POLR1B: variants seen among roughly 807,000 people sequenced by gnomAD.
POLR1B encodes the protein DNA-directed RNA polymerase I subunit RPA2.
POLR1B carries 30 observed loss-of-function variants against 105.8 expected under a neutral mutation model. The observed-to-expected ratio is 0.28, with a 90% confidence interval of 0.21 to 0.38. POLR1B has a LOEUF of 0.38. POLR1B is among the 10% of genes least tolerant of loss of function. POLR1B has a pLI of 1.00. For synonymous variants in POLR1B, 485 were observed against 505.1 expected, an observed-to-expected ratio of 0.96 and a Z score of 0.53; for missense variants, 976 against 1,435.8, an observed-to-expected ratio of 0.68 and a Z score of 5.17.
intron 13 of POLR1B, 144 bp downstream of exon 13, chr2:112,572,902 C>CT (rs1280224682): frequency 1.5e-6 from 1 of 686,642 alleles, no homozygotes; most frequent in Admixed American, 3.5e-5. Context: ...AGTTCTTAGT[C>CT]TAAGTTGAAA....
intron 7 of POLR1B, among the ~76,000 whole-genome samples, chr2:112,553,113 CTGTATT>C (rs1317617953): frequency 6.6e-6 from 1 of 152,198 alleles, no homozygotes; most frequent in Non-Finnish European, 1.5e-5. Flanking sequence ...TTTGTAGATT[CTGTATT>C]TGTGAATTCA....
intron 3 of POLR1B, among the ~76,000 whole-genome samples, chr2:112,548,462 C>T (rs902630682): frequency 6.6e-6 from 1 of 152,200 alleles, no homozygotes; most frequent in Non-Finnish European, 1.5e-5. Context: ...CTGTTTATTA[C>T]AGAAATGTGA....
At chr2:112,542,221 G>GC, upstream of POLR1B, 2 of 1,535,718 alleles carry the variant, frequency 1.3e-6, no homozygotes, top group African/African-American at 2.7e-5. Flanking sequence ...TCTTTCGCGA[G>GC]CGGGGAGATG....
At position 112,573,822 on chromosome 2, in the gene POLR1B, T is replaced by C. The variant is rs777268060; in HGVS notation, c.2525+7T>C. 2.2e-5 allele frequency: 35 copies of C among 1,608,392 alleles called. No homozygotes were observed. The East Asian group carries it at 4.0e-4, about 18-fold the overall frequency. The stretch of plus-strand genomic sequence containing the variant: ...GTTTTGTGATGTACTATAAGTAAGT[T>C]TGGGTATCCAAGCTGTTTTGTTTTT... On this transcript the variant is annotated splice_region_variant and intron_variant, in intron 14 of 14. Coordinates refer to ENST00000263331, the MANE Select transcript of POLR1B (RefSeq NM_019014.6).
At chr2:112,542,166 G>A (rs1012427982), upstream of POLR1B, 3 of 1,535,634 alleles carry the variant, frequency 2.0e-6, no homozygotes, top group African/African-American at 1.4e-5. Flanking sequence ...GAGCCAAAGA[G>A]GTCACATGCT....
chr2:112,570,129 A>G (rs1574133076), intron 12 of POLR1B, among the ~76,000 whole-genome samples: 1 of 150,610 alleles, frequency 6.6e-6, no homozygotes, highest in African/African-American at 2.4e-5. Flanking sequence ...GCTCACTGCA[A>G]CCTCTGCCTC....
At chr2:112,574,202 A>G (rs1684745762) in intron 14 of POLR1B, among the ~76,000 whole-genome samples, 1 of 152,078 alleles carries the variant, frequency 6.6e-6, no homozygotes, top group African/African-American at 2.4e-5. Context: ...TCTCACATAC[A>G]ATGTTAGCAA....
intron 12 of POLR1B, among the ~76,000 whole-genome samples, chr2:112,569,419 T>C (rs1249650544): frequency 6.6e-6 from 1 of 152,338 alleles, no homozygotes; most frequent in East Asian, 1.9e-4. Flanking sequence ...TTTGCTTCAC[T>C]TGAAGGAATC....
chr2:112,560,063 T>C (rs1242786781), intron 9 of POLR1B, among the ~76,000 whole-genome samples: 1 of 152,004 alleles, frequency 6.6e-6, no homozygotes, highest in Non-Finnish European at 1.5e-5. Flanking sequence ...GAAGGCCGAA[T>C]GCATTCTTTG....
At chr2:112,569,387 A>G (rs867474210) in intron 12 of POLR1B, among the ~76,000 whole-genome samples, 1 of 151,906 alleles carries the variant, frequency 6.6e-6, no homozygotes, top group African/African-American at 2.4e-5. Flanking sequence ...CTTTGTTTTC[A>G]TTTATCTGAA....
At chr2:112,543,824 C>G (rs1682891467) in intron 1 of POLR1B, among the ~76,000 whole-genome samples, 1 of 152,078 alleles carries the variant, frequency 6.6e-6, no homozygotes, top group Admixed American at 6.6e-5. Flanking sequence ...GTGGCTCACA[C>G]CTGTAATCCA....
chr2:112,560,807 A>G (rs1683940198), intron 9 of POLR1B, among the ~76,000 whole-genome samples: 1 of 152,204 alleles, frequency 6.6e-6, no homozygotes, highest in South Asian at 2.1e-4. Flanking sequence ...CTGTAATCCC[A>G]GCACTTTGGG....
chr2:112,559,895 G>A (rs1013336257), intron 9 of POLR1B, among the ~76,000 whole-genome samples: 14 of 152,156 alleles, frequency 9.2e-5, no homozygotes, highest in Non-Finnish European at 2.1e-4. Flanking sequence ...CTCCCAAAGT[G>A]CTGGGATTAC....
rs1415472887 is a variant in POLR1B, at chr2:112,554,965, G to C, written c.1158+2149G>C. On this transcript the variant is annotated intron_variant, in intron 7 of 14. Transcript: ENST00000263331. ...AGATGCCAAGGTGGGTGGATCTTCT[G>C]ATCTCAGGAGTTCAAGACTAGCCTG... Among the ~76,000 whole-genome samples, 6 of 152,306 alleles carry C rather than the reference G, an allele frequency of 3.9e-5. No homozygotes were observed. In the East Asian group the frequency reaches 7.7e-4, roughly 20 times the overall value.
rs200636989 is a variant in POLR1B at position 112,559,937 on chromosome 2, C to T, written c.1612+363C>T. On this transcript the variant is annotated intron_variant, in intron 9 of 14. Coordinates refer to ENST00000263331, the MANE Select transcript of POLR1B (RefSeq NM_019014.6). ...GAGCCACCGCGCCCGGCCAAGGTTA[C>T]GTGGTTTTTAACCTGTTAAGTTGTG... 1.1e-4 allele frequency among the ~76,000 whole-genome samples: 17 copies of T among 152,106 alleles called. No individual in the cohort carries two copies. In the East Asian group the frequency reaches 2.3e-3, roughly 21 times the overall value.
chr2:112,542,867 A>G, intron 1 of POLR1B, 196 bp downstream of exon 1: 1 of 659,588 alleles, frequency 1.5e-6, no homozygotes, highest in Non-Finnish European at 2.6e-6. Flanking sequence ...GTCTTAAGAG[A>G]TGTATTCGTG....
chr2:112,558,816 G>T (rs749066847), intron 8 of POLR1B, among the ~76,000 whole-genome samples: 1 of 151,486 alleles, frequency 6.6e-6, no homozygotes, highest in Admixed American at 6.6e-5. Flanking sequence ...ATGGGGTTTC[G>T]CTATGCTGCT....
In POLR1B at chr2:112,559,306, A is replaced by G. The variant is rs758154850; in HGVS notation, c.1344A>G (p.Leu448=). 3.1e-6 allele frequency: 5 copies of G among 1,613,906 alleles called. No individual in the cohort carries two copies. The highest frequency in any genetic ancestry group is 3.3e-5 in the Admixed American group (2 of 59,998). ...NLRSKTGLGL[L]QDSGLCVVAD... is the part of the protein sequence containing the mutation. Reference sequence around the variant, plus strand: ...TGTTTTATTAAGGTCTTGGCCTCCTACAAGATTCTGGACTTTGTGTTGTGG... The same window carrying G: ...TGTTTTATTAAGGTCTTGGCCTCCTGCAAGATTCTGGACTTTGTGTTGTGG... The change falls in exon 9 of 15, where the codon CTA becomes CTG. Residue 448 remains leucine (L), a synonymous_variant. Coordinates refer to ENST00000263331, the MANE Select transcript of POLR1B (RefSeq NM_019014.6).
In POLR1B at chr2:112,572,650, GGT is replaced by G. The variant is rs747464391; in HGVS notation, c.2165_2166del (p.Val722GlufsTer6). 6.2e-7 allele frequency: 1 copy of G among 1,613,496 alleles called. No individual in the cohort carries two copies. On this transcript the variant is annotated frameshift_variant, in exon 13 of 15. Coordinates refer to ENST00000263331, the MANE Select transcript of POLR1B (RefSeq NM_019014.6). LOFTEE classifies it high-confidence loss of function. ...GTCTTCAGACTCCTCAGAGTCCCTT[GGT>G]GAGACCCTCCATGTATGATTATTAT... Reference protein sequence around the residue: ...YRLQTPQSPLVRPSMYDYYDM... With the variant: ...YRLQTPQSPLXRPSMYDYYDM...
Sources: allele counts gnomAD v4.1 joint callset (sites outside exome capture counted in the v4.1 genomes callset), GRCh38; gene constraint gnomAD v4.1.1; transcripts MANE v1.5; gene names NCBI Gene and HGNC (gene_info 2026-07-23, HGNC 2026-07-21).